The following SETD9 variants were observed in gnomAD, a reference collection of about 807,000 sequenced individuals.
SETD9 encodes the protein SET domain containing 9, also known as SET domain-containing protein 9.
A neutral mutation model predicts 36.4 loss-of-function variants in SETD9; 37 were observed. The observed-to-expected ratio is 1.02, with a 90% CI of 0.78 to 1.34. The LOEUF is 1.34. SETD9 is among the 40% of genes most tolerant of loss of function. The pLI, the probability that SETD9 is intolerant of heterozygous loss-of-function variation, is 0.00. For synonymous variants in SETD9, 128 were observed against 132.9 expected, an observed-to-expected ratio of 0.96 and a Z score of 0.26; for missense variants, 323 against 353.2, an observed-to-expected ratio of 0.91 and a Z score of 0.69.
Position 56,923,252 on chromosome 5 carries a change from T to G in SETD9, c.813-2081T>G, listed in dbSNP as rs1490657513. 3.1e-6 allele frequency: 5 copies of G among 1,614,018 alleles called. No homozygotes were observed. The Admixed American group carries it at 8.3e-5, about 27-fold the overall frequency. On this transcript the variant is annotated intron_variant, in intron 5 of 5. Coordinates refer to the SETD9 transcript ENST00000628593. Reference sequence around the variant, plus strand: ...AGCCATTTTGGCACTGGTGATGTGATGTGTGTGATTTTCAAAGTCCACACC... The same window carrying G: ...AGCCATTTTGGCACTGGTGATGTGAGGTGTGTGATTTTCAAAGTCCACACC...
chr5:56,914,839 A>G (rs766313033), intron 4 of SETD9, 22 bp from the exon 5 acceptor site: 2 of 1,524,150 alleles, frequency 1.3e-6, no homozygotes, highest in South Asian at 1.3e-5. Context: ...TCTTTTTCTA[A>G]AAATGATGTG....
In SETD9 at chr5:56,923,879, AAAGT is replaced by A. The variant is rs772542827; in HGVS notation, c.813-1449_813-1446del. 3.2e-5 allele frequency: 52 copies of A among 1,614,050 alleles called. 1 individual carries two copies. In the South Asian group the frequency reaches 5.5e-4, roughly 17 times the overall value. On this transcript the variant is annotated intron_variant, in intron 5 of 5. Coordinates refer to the SETD9 transcript ENST00000628593. ...ATTTTATGACTATATATTACAGTTAAAAGTAAGTCTTTGAAGGCAAGGCCACAGT... is the reference window on the plus strand; with the variant it reads ...ATTTTATGACTATATATTACAGTTAAAAGTCTTTGAAGGCAAGGCCACAGT...
intron 5 of SETD9, chr5:56,923,729 A>C (rs1022824776): frequency 6.2e-7 from 1 of 1,614,252 alleles, no homozygotes; most frequent in Non-Finnish European, 8.5e-7. Flanking sequence ...GAGAATGTTT[A>C]GCTGTTGATC....
At chr5:56,927,648 TCTA>T (rs1198019291), downstream of SETD9, among the ~76,000 whole-genome samples, 5 of 152,162 alleles carry the variant, frequency 3.3e-5, no homozygotes, top group Non-Finnish European at 5.9e-5. Flanking sequence ...ATCCTGAAGT[TCTA>T]CTTTCAACAT....
chr5:56,909,754 G>T lies in SETD9; in HGVS notation c.98+11G>T, dbSNP rs1293282893. On this transcript the variant is annotated intron_variant, in intron 1 of 5. Transcript: ENST00000285947. ...AAGCCACAACCCGAGGTGAGAGGGC[G>T]GGACGGCAGAACGAGGGGCACCTGC... The T allele has an allele frequency of 2.5e-6, 4 of 1,607,128 alleles. No individual in the cohort carries two copies. The highest frequency in any genetic ancestry group is 3.4e-6 in the Non-Finnish European group (4 of 1,176,766).
intron 2 of SETD9, among the ~76,000 whole-genome samples, chr5:56,911,748 C>T (rs1458000681): frequency 6.6e-6 from 1 of 152,182 alleles, no homozygotes; most frequent in Non-Finnish European, 1.5e-5. Flanking sequence ...GGGATAAATG[C>T]ACTTTTTCTT....
intron 4 of SETD9, 110 bp from the exon 5 acceptor site, chr5:56,914,751 A>T (rs1246656379): frequency 1.7e-6 from 1 of 585,492 alleles, no homozygotes; most frequent in Non-Finnish European, 2.7e-6. Flanking sequence ...AATTATTTTG[A>T]TCATGTTTTG....
chr5:56,917,042 A>G lies in SETD9; in HGVS notation c.*140A>G. The G allele has an allele frequency of 7.5e-7, 1 of 1,332,790 alleles. No homozygotes were observed. 82.6% of individuals were successfully genotyped at this position (1,332,790 alleles called of 1,614,324 possible). A position where few individuals can be genotyped will look rare whatever the true frequency, so the allele number is the denominator to read the frequency against. ...ATAGGAATTTCTTATGTTTTTGTTG[A>G]TATTATATTTATGTTCCAATTTCAT... On this transcript the variant is annotated 3_prime_UTR_variant, in exon 6 of 6. Coordinates refer to ENST00000285947, the MANE Select transcript of SETD9 (RefSeq NM_153706.4).
At chr5:56,926,226 T>G (rs2112080330), downstream of SETD9, among the ~76,000 whole-genome samples, 1 of 151,980 alleles carries the variant, frequency 6.6e-6, no homozygotes, top group East Asian at 1.9e-4. Flanking sequence ...GTGTGAACAA[T>G]CAGATGAAAT....
At chr5:56,910,439 A>C (rs1749058863) in intron 1 of SETD9, 18 of 1,276,314 alleles carry the variant, frequency 1.4e-5, no homozygotes, top group Non-Finnish European at 1.8e-5. Flanking sequence ...TGATCAGCTC[A>C]ACACCGTGCT....
chr5:56,916,823 G>A lies in SETD9; in HGVS notation c.821G>A (p.Arg274Gln), dbSNP rs768305452. 2.5e-6 allele frequency: 4 copies of A among 1,602,262 alleles called. No homozygotes were observed. The Admixed American group carries it at 6.9e-5, about 28-fold the overall frequency. ...TATCTTTTTGTTTTCAGCCCACTTC[G>A]ATGTGTTGTTCTTGTCGCACTTAGG... is the stretch of plus-strand genomic sequence containing the variant. Reference protein sequence around the residue: ...AYSYDKQSPLRCVVLVALRDI... With the variant: ...AYSYDKQSPLQCVVLVALRDI... The change falls in exon 6 of 6, where the codon CGA becomes CAA. Residue 274 changes from arginine to glutamine, a missense_variant. Coordinates refer to ENST00000285947, the MANE Select transcript of SETD9 (RefSeq NM_153706.4).
Position 56,916,948 on chromosome 5 carries a change from C to G in SETD9, c.*46C>G, listed in dbSNP as rs769334372. 1 of 1,545,782 alleles carries G rather than the reference C, an allele frequency of 6.5e-7. No homozygotes were observed. The highest frequency in any genetic ancestry group is 8.7e-7 in the Non-Finnish European group (1 of 1,153,672). Reference sequence around the variant, plus strand: ...TAGGTTTTCTACTCAGCTATTAATTCTAAGTGTTTTTTGTTAATCACTTCT... The same window carrying G: ...TAGGTTTTCTACTCAGCTATTAATTGTAAGTGTTTTTTGTTAATCACTTCT... On this transcript the variant is annotated 3_prime_UTR_variant, in exon 6 of 6. Transcript: ENST00000285947.
intron 5 of SETD9, chr5:56,924,089 T>G: frequency 6.3e-7 from 1 of 1,582,836 alleles, no homozygotes; most frequent in Non-Finnish European, 8.6e-7. Context: ...CTCAACCATT[T>G]TTTTAAGCAA....
downstream of SETD9, among the ~76,000 whole-genome samples, chr5:56,925,791 T>C (rs139750432): frequency 6.6e-4 from 100 of 151,900 alleles, no homozygotes; most frequent in African/African-American, 1.7e-3. Context: ...ATAGCCAACA[T>C]AGTATTACGA....
At chr5:56,918,749 T>TC (rs1238560347), downstream of SETD9, among the ~76,000 whole-genome samples, 3 of 152,232 alleles carry the variant, frequency 2.0e-5, no homozygotes, top group Non-Finnish European at 4.4e-5. Flanking sequence ...ATTTTTGCTT[T>TC]CCTTTTATCC....
downstream of SETD9, among the ~76,000 whole-genome samples, chr5:56,927,575 T>C (rs529062052): frequency 6.6e-6 from 1 of 152,314 alleles, no homozygotes; most frequent in African/African-American, 2.4e-5. Context: ...GAATAGACTT[T>C]AGTTTTTAAG....
chr5:56,909,438 C>T (rs1579802456), upstream of SETD9: 4 of 471,452 alleles, frequency 8.5e-6, no homozygotes, highest in Non-Finnish European at 1.5e-5. Context: ...CCTTCCAGCT[C>T]TACGCGCCTC....
downstream of SETD9, among the ~76,000 whole-genome samples, chr5:56,918,980 T>C (rs1459300408): frequency 3.3e-5 from 5 of 152,204 alleles, no homozygotes. Context: ...TAGTTGACCA[T>C]AAATGTAGTC....
rs908067570 is a variant in SETD9, at chr5:56,924,163, G to A, written c.813-1170G>A. 7.5e-6 allele frequency: 7 copies of A among 929,664 alleles called. No individual in the cohort carries two copies. The African/African-American group carries it at 1.2e-4, about 16-fold the overall frequency. 57.6% of individuals were successfully genotyped at this position (929,664 alleles called of 1,614,324 possible). A position where few individuals can be genotyped will look rare whatever the true frequency, so the allele number is the denominator to read the frequency against. ...TCTTATTTTCCCATTATATAGTTCT[G>A]AACACTTTTAATAAATTATAAAGTT... On this transcript the variant is annotated intron_variant, in intron 5 of 5. Transcript: ENST00000628593.
Sources: gnomAD v4.1 joint callset for allele counts (sites outside exome capture counted in the v4.1 genomes callset) on GRCh38, gnomAD v4.1.1 for gene constraint, MANE v1.5 for transcripts, NCBI Gene and HGNC (gene_info 2026-07-23, HGNC 2026-07-21) for gene names.